Variants in PCDHGA4 observed in about 807,000 individuals in gnomAD.
PCDHGA4 encodes protocadherin gamma-A4.
Under a neutral mutation model 54.6 loss-of-function variants are expected in PCDHGA4, and 38 were observed. The ratio of observed to expected loss-of-function variants is 0.70; its 90% CI spans 0.54 to 0.91. The LOEUF (loss-of-function observed/expected upper bound fraction) is 0.91, where lower values mean the gene tolerates loss of function less well. Among genes scored for constraint, PCDHGA4 ranks in the 40% least tolerant of loss-of-function variants. The pLI is 0.00. For synonymous variants in PCDHGA4, 511 were observed against 512.9 expected (o/e 1.00, Z 0.05); for missense variants, 1,298 against 1,220.9 (o/e 1.06, Z -0.94).
intron 1 of PCDHGA4, chr5:141,422,899 G>A: frequency 2.5e-6 from 4 of 1,614,234 alleles, no homozygotes; most frequent in Non-Finnish European, 3.4e-6. Flanking sequence ...GGACCAGAAC[G>A]ACAATGCGCC....
intron 1 of PCDHGA4, among the ~76,000 whole-genome samples, chr5:141,494,392 A>C (rs1296077484): frequency 1.3e-5 from 2 of 152,258 alleles, no homozygotes; most frequent in East Asian, 3.9e-4. Flanking sequence ...GAGTTGAATA[A>C]ATTCATTCTA....
At chr5:141,358,572 T>C (rs534832026) in intron 1 of PCDHGA4, among the ~76,000 whole-genome samples, 6 of 152,362 alleles carry the variant, frequency 3.9e-5, no homozygotes, top group South Asian at 4.1e-4. Context: ...GAAGTGACTA[T>C]GTGTGATTCC....
chr5:141,478,799 CTT>C, intron 1 of PCDHGA4: 1 of 1,463,738 alleles, frequency 6.8e-7, no homozygotes, highest in Non-Finnish European at 9.0e-7. Flanking sequence ...CCTCAGCACT[CTT>C]TTGCTATCAC....
At position 141,356,198 on chromosome 5, in the gene PCDHGA4, T is replaced by C; in HGVS notation, c.1091T>C (p.Val364Ala). 6.2e-7 allele frequency: 1 copy of C among 1,608,990 alleles called. No homozygotes were observed. Among genetic ancestry groups the C allele is most frequent in the Non-Finnish European group, 8.5e-7 (1 of 1,177,432 alleles). Reference protein sequence around the residue: ...DGPGLRARSKVLVTVLDENDN... With the variant: ...DGPGLRARSKALVTVLDENDN... ...CCTGGTCTCCGAGCTAGAAGCAAGG[T>C]ACTGGTGACAGTTCTGGATGAAAAT... Residue 364 changes from valine (V) to alanine (A), a missense_variant, in exon 1 of 4, where the codon GTA (valine) becomes GCA (alanine). By Grantham distance (64) the Val-to-Ala change is moderately conservative. Coordinates refer to ENST00000571252, the MANE Select transcript of PCDHGA4 (RefSeq NM_018917.4).
chr5:141,449,708 AT>A (rs2098652573), intron 1 of PCDHGA4, among the ~76,000 whole-genome samples: 1 of 151,520 alleles, frequency 6.6e-6, no homozygotes. Context: ...CAAACACATT[AT>A]TTTTATATGA....
rs1482297743 is a variant in PCDHGA4 at position 141,403,937 on chromosome 5, G to A, written c.2514+46316G>A. 8 of 1,613,778 alleles carry A rather than the reference G, an allele frequency of 5.0e-6. No individual in the cohort carries two copies. The highest frequency in any genetic ancestry group is 6.8e-6 in the Non-Finnish European group (8 of 1,179,896). On this transcript the variant is annotated intron_variant, in intron 1 of 3. Transcript: ENST00000571252. ...AGCTGAAGATGGTGGGGGATTGAAA[G>A]GGTGGACAAAAGTGCTCATTTCGGT...
At chr5:141,390,382 T>C in intron 1 of PCDHGA4, 2 of 1,443,060 alleles carry the variant, frequency 1.4e-6, no homozygotes, top group South Asian at 1.3e-5. Context: ...AATTTTTAGA[T>C]GTCATGGATC....
intron 1 of PCDHGA4, chr5:141,413,350 G>A: frequency 6.2e-7 from 1 of 1,613,974 alleles, no homozygotes; most frequent in Non-Finnish European, 8.5e-7. Context: ...CTTGGGTCTG[G>A]CGCCCCGGGA....
chr5:141,388,747 C>T (rs1434278785), intron 1 of PCDHGA4: 2 of 1,613,862 alleles, frequency 1.2e-6, no homozygotes, highest in African/African-American at 1.3e-5. Context: ...AGCCAGATCA[C>T]CCAATTTGAC....
intron 1 of PCDHGA4, chr5:141,433,042 G>A (rs752612411): frequency 6.2e-6 from 10 of 1,614,142 alleles, no homozygotes; most frequent in Non-Finnish European, 7.6e-6. Flanking sequence ...CCCTCACCAC[G>A]GACTCGCGGA....
Position 141,408,360 on chromosome 5 carries a change from A to G in PCDHGA4, c.2514+50739A>G, listed in dbSNP as rs373951875. 2.4e-5 allele frequency: 38 copies of G among 1,613,808 alleles called. No homozygotes were observed. In the African/African-American group the frequency reaches 3.7e-4, roughly 16 times the overall value. ...TCGGTGGTGGGGAACCTCGCTAAGG[A>G]TCTAGGGCTCAGTGTCCTGGATGTG... On this transcript the variant is annotated intron_variant, in intron 1 of 3. Coordinates refer to ENST00000571252, the MANE Select transcript of PCDHGA4 (RefSeq NM_018917.4).
At chr5:141,393,848 A>T (rs1368797606) in intron 1 of PCDHGA4, 6 of 1,614,008 alleles carry the variant, frequency 3.7e-6, no homozygotes, top group Non-Finnish European at 5.1e-6. Flanking sequence ...ACAATAGACC[A>T]GAAGTGATCA....
chr5:141,355,631 A>G lies in PCDHGA4; in HGVS notation c.524A>G (p.Glu175Gly). 6.2e-7 allele frequency: 1 copy of G among 1,614,036 alleles called. No individual in the cohort carries two copies. The highest frequency in any genetic ancestry group is 1.1e-5 in the South Asian group (1 of 91,086). ...GAACAGAGGGAAATAAAAGTTGCTG[A>G]AAATGAAAATCCTGGGGCAAGATTT... ...GTEQREIKVA[E>G]NENPGARFPL... Residue 175 changes from glutamate (E) to glycine (G), a missense_variant, in exon 1 of 4, where the codon GAA becomes GGA. By Grantham distance (98) the Glu-to-Gly change is moderately conservative. Coordinates refer to ENST00000571252, the MANE Select transcript of PCDHGA4 (RefSeq NM_018917.4).
At chr5:141,464,604 G>A (rs1445968596) in intron 1 of PCDHGA4, among the ~76,000 whole-genome samples, 1 of 152,106 alleles carries the variant, frequency 6.6e-6, no homozygotes, top group East Asian at 1.9e-4. Context: ...AGTCTCCTTT[G>A]CAGAGTATAT....
intron 1 of PCDHGA4, chr5:141,372,345 C>G: frequency 1.2e-6 from 2 of 1,613,816 alleles, no homozygotes; most frequent in South Asian, 2.2e-5. Context: ...TGATGGAGGA[C>G]AGCAGCCTCT....
chr5:141,478,499 G>A (rs77463374), intron 1 of PCDHGA4: 18 of 1,612,728 alleles, frequency 1.1e-5, no homozygotes, highest in African/African-American at 2.7e-5. Context: ...CTGTGATCCG[G>A]TGTTCTATAG....
intron 1 of PCDHGA4, chr5:141,430,643 T>C (rs1432236231): frequency 2.1e-6 from 2 of 947,068 alleles, no homozygotes; most frequent in Non-Finnish European, 3.0e-6. Context: ...CCTGGGAGTA[T>C]GTGGAAACAA....
intron 1 of PCDHGA4, chr5:141,428,120 C>T (rs756805763): frequency 3.7e-6 from 6 of 1,606,528 alleles, no homozygotes; most frequent in East Asian, 4.5e-5. Flanking sequence ...CCATCGAGCC[C>T]GGGCTTTTCA....
At chr5:141,368,517 C>T (rs2149927264) in intron 1 of PCDHGA4, among the ~76,000 whole-genome samples, 1 of 152,138 alleles carries the variant, frequency 6.6e-6, no homozygotes, top group East Asian at 1.9e-4. Flanking sequence ...ATTATTCACT[C>T]CTATGTGAAA....
Sources: allele counts gnomAD v4.1 joint callset (sites outside exome capture counted in the v4.1 genomes callset), GRCh38; gene constraint gnomAD v4.1.1; transcripts MANE v1.5; gene names NCBI Gene and HGNC (gene_info 2026-07-23, HGNC 2026-07-21).